The following IFIT5 variants were observed in gnomAD, a reference collection of about 807,000 sequenced individuals.
The protein encoded by IFIT5 is interferon-induced protein with tetratricopeptide repeats 5.
In IFIT5, 2 loss-of-function variants were observed where a neutral mutation model predicts 5.0. The ratio of observed to expected loss-of-function variants is 0.40; its 90% CI spans 0.16 to 1.26. IFIT5 has a LOEUF of 1.26. Ranked by LOEUF, IFIT5 falls within the 50% of genes most tolerant of loss-of-function variation. The pLI, the probability that IFIT5 is intolerant of heterozygous loss-of-function variation, is 0.33. For synonymous variants in IFIT5, 206 were observed against 204.6 expected (o/e 1.01, Z -0.06); for missense variants, 524 against 563.2 (o/e 0.93, Z 0.70).
rs568953344 is a variant in IFIT5, at chr10:89,419,821, A to G, written c.*1173A>G. The G allele has an allele frequency of 2.6e-5, 4 of 152,116 alleles. No individual in the cohort carries two copies. The highest frequency in any genetic ancestry group is 2.1e-4 in the South Asian group (1 of 4,820). The allele number at this position is 152,116 out of a possible 1,614,324, so 9.4% of individuals were successfully genotyped here. ...TTACTTAATGTGGCTTCTCTAATGT[A>G]GTTTCTTTGATTACCGACTACACAA... On this transcript the variant is annotated 3_prime_UTR_variant, in exon 2 of 2. Coordinates refer to ENST00000371795, the MANE Select transcript of IFIT5 (RefSeq NM_012420.3).
At position 89,414,785 on chromosome 10, in the gene IFIT5, A is replaced by C; in HGVS notation, c.-14A>C. On this transcript the variant is annotated 5_prime_UTR_variant, in exon 1 of 2. Coordinates refer to ENST00000371795, the MANE Select transcript of IFIT5 (RefSeq NM_012420.3). The stretch of plus-strand genomic sequence containing the variant: ...GGACTGCGCCGCCCGGACGGCCTGC[A>C]GAGCGCTGCCATCATGAGGTAAGGG... The C allele has an allele frequency of 1.9e-6, 3 of 1,609,000 alleles. No individual in the cohort carries two copies. The highest frequency in any genetic ancestry group is 2.2e-5 in the South Asian group (2 of 90,404).
Position 89,418,437 on chromosome 10 carries a change from G to C in IFIT5, c.1238G>C (p.Arg413Pro). 1 of 1,614,122 alleles carries C rather than the reference G, an allele frequency of 6.2e-7. No homozygotes were observed. Among genetic ancestry groups the C allele is most frequent in the Non-Finnish European group, 8.5e-7 (1 of 1,180,006 alleles). Reference sequence around the variant, plus strand: ...AAGGTCAAAGACAGATCACCCCTTCGCACCAAACTGACAAGTGCTCTGAAG... The same window carrying C: ...AAGGTCAAAGACAGATCACCCCTTCCCACCAAACTGACAAGTGCTCTGAAG... Reference protein sequence around the residue: ...ALKVKDRSPLRTKLTSALKKL... With the variant: ...ALKVKDRSPLPTKLTSALKKL... The change falls in exon 2 of 2, where the codon CGC becomes CCC. Residue 413 changes from arginine to proline, a missense_variant. Physicochemically the swap from Arg to Pro is moderately radical, Grantham distance 103. Coordinates refer to ENST00000371795, the MANE Select transcript of IFIT5 (RefSeq NM_012420.3).
rs534482005 is a variant in IFIT5 at position 89,414,897 on chromosome 10, C to G, written c.5+94C>G. ...ATTCATTTCCAGCGCAGTTCTGCGG[C>G]CTTTTCAGGGGCCGAGCCCCTCGCG... On this transcript the variant is annotated intron_variant, in intron 1 of 1. Transcript: ENST00000371795. The G allele has an allele frequency of 1.0e-3, 1,523 of 1,488,720 alleles. 36 individuals are homozygous for G. The South Asian group carries it at 0.018, about 17-fold the overall frequency. 92.2% of individuals were successfully genotyped at this position (1,488,720 alleles called of 1,614,324 possible).
In IFIT5 at chr10:89,418,148, G is replaced by A. The variant is rs1273851349; in HGVS notation, c.949G>A (p.Asp317Asn). ...TAAAGGAAAGGATAAACTAAAGGTT[G>A]ATGAGCTGATTTCATCTGCTATATT... ...RPKGKDKLKV[D>N]ELISSAIFHF... Residue 317 changes from aspartate to asparagine, a missense_variant, in exon 2 of 2, where the codon GAT becomes AAT. Transcript: ENST00000371795. 6.2e-7 allele frequency: 1 copy of A among 1,614,192 alleles called. No homozygotes were observed. Among genetic ancestry groups the A allele is most frequent in the Non-Finnish European group, 8.5e-7 (1 of 1,180,016 alleles).
At position 89,418,507 on chromosome 10, in the gene IFIT5, G is replaced by C; in HGVS notation, c.1308G>C (p.Gln436His). The change falls in exon 2 of 2, where the codon CAG becomes CAC. Residue 436 changes from glutamine to histidine, a missense_variant. Gln to His is a conservative substitution (Grantham distance 24). Coordinates refer to ENST00000371795, the MANE Select transcript of IFIT5 (RefSeq NM_012420.3). ...KRLCHNALDV[Q>H]SLSALGFVYK... ...TTTGTCACAATGCTTTAGATGTGCA[G>C]AGTTTAAGTGCCCTAGGGTTTGTTT... is the stretch of plus-strand genomic sequence containing the variant. 1 of 1,614,192 alleles carries C rather than the reference G, an allele frequency of 6.2e-7. No homozygotes were observed. The highest frequency in any genetic ancestry group is 8.5e-7 in the Non-Finnish European group (1 of 1,180,024).
At position 89,418,473 on chromosome 10, in the gene IFIT5, C is replaced by T. The variant is rs1264883457; in HGVS notation, c.1274C>T (p.Thr425Ile). 3 of 1,614,040 alleles carry T rather than the reference C, an allele frequency of 1.9e-6. No individual in the cohort carries two copies. The highest frequency in any genetic ancestry group is 1.3e-5 in the African/African-American group (1 of 74,934). ...KLTSALKKLS[T>I]KRLCHNALDV... Reference sequence around the variant, plus strand: ...ACAAGTGCTCTGAAGAAATTGTCTACCAAGAGACTTTGTCACAATGCTTTA... The same window carrying T: ...ACAAGTGCTCTGAAGAAATTGTCTATCAAGAGACTTTGTCACAATGCTTTA... Residue 425 changes from threonine to isoleucine, a missense_variant, in exon 2 of 2, where the codon ACC (threonine) becomes ATC (isoleucine). By Grantham distance (89) the Thr-to-Ile change is moderately conservative (BLOSUM62 -1). Coordinates refer to ENST00000371795, the MANE Select transcript of IFIT5 (RefSeq NM_012420.3).
chr10:89,418,694 G>C lies in IFIT5; in HGVS notation c.*46G>C. 6.5e-7 allele frequency: 1 copy of C among 1,527,272 alleles called. No homozygotes were observed. The highest frequency in any genetic ancestry group is 8.8e-7 in the Non-Finnish European group (1 of 1,141,088). The allele number at this position is 1,527,272 out of a possible 1,614,324, so 94.6% of individuals were successfully genotyped here. ...GCTCTAAGTTTTTCCCTTCATTTTG[G>C]GTTCTCCTGTTTGTTTTTTTTTTAT... On this transcript the variant is annotated 3_prime_UTR_variant, in exon 2 of 2. Coordinates refer to ENST00000371795, the MANE Select transcript of IFIT5 (RefSeq NM_012420.3).
At chr10:89,414,903 C>A in intron 1 of IFIT5, 100 bp downstream of exon 1, 2 of 1,462,520 alleles carry the variant, frequency 1.4e-6, no homozygotes, top group African/African-American at 1.5e-5. Flanking sequence ...GCGGCCTTTT[C>A]AGGGGCCGAG....
chr10:89,417,904 A>G lies in IFIT5; in HGVS notation c.705A>G (p.Glu235=). The G allele has an allele frequency of 1.2e-6, 2 of 1,614,204 alleles. No individual in the cohort carries two copies. Among genetic ancestry groups the G allele is most frequent in the Non-Finnish European group, 8.5e-7 (1 of 1,180,030 alleles). Residue 235 remains glutamate, a synonymous_variant, in exon 2 of 2, where the codon GAA becomes GAG. Coordinates refer to ENST00000371795, the MANE Select transcript of IFIT5 (RefSeq NM_012420.3). ...ATGTACATGCAGAAGCTGAAGGGGA[A>G]AAGTATATTGAAGAAATCCTGGACC... The part of the protein sequence containing the change: ...LQDVHAEAEG[E]KYIEEILDQI...
At position 89,417,836 on chromosome 10, in the gene IFIT5, G is replaced by T. The variant is rs763331428; in HGVS notation, c.637G>T (p.Asp213Tyr). Residue 213 changes from aspartate (D) to tyrosine (Y), a missense_variant, in exon 2 of 2, where the codon GAT becomes TAT. By Grantham distance (160) the Asp-to-Tyr change is radical (BLOSUM62 -3). Transcript: ENST00000371795. ...GAGAAAGGCTGTTACCCTGAACCCA[G>T]ATAACAGCTATATTAAGGTTTTTCT... is the stretch of plus-strand genomic sequence containing the variant. ...PLRKAVTLNP[D>Y]NSYIKVFLAL... 5.6e-6 allele frequency: 9 copies of T among 1,614,054 alleles called. No homozygotes were observed. The highest frequency in any genetic ancestry group is 1.7e-5 in the Admixed American group (1 of 59,996).
rs1841570986 is a variant in IFIT5 at position 89,418,756 on chromosome 10, A to C, written c.*108A>C. On this transcript the variant is annotated 3_prime_UTR_variant, in exon 2 of 2. Coordinates refer to ENST00000371795, the MANE Select transcript of IFIT5 (RefSeq NM_012420.3). ...CTTGTTTATTATAGAGCTAATATTT[A>C]TTGAATAGTTATTGTGTACCAAGCA... 5 of 1,102,978 alleles carry C rather than the reference A, an allele frequency of 4.5e-6. No individual in the cohort carries two copies. Among genetic ancestry groups the C allele is most frequent in the Non-Finnish European group, 6.4e-6 (5 of 776,554 alleles). The allele number at this position is 1,102,978 out of a possible 1,614,324, so 68.3% of individuals were successfully genotyped here. A position where few individuals can be genotyped will look rare whatever the true frequency, so the allele number is the denominator to read the frequency against.
In IFIT5 at chr10:89,418,690, T is replaced by G. The variant is rs1249051599; in HGVS notation, c.*42T>G. The G allele has an allele frequency of 6.5e-7, 1 of 1,540,862 alleles. No individual in the cohort carries two copies. The highest frequency in any genetic ancestry group is 1.4e-5 in the African/African-American group (1 of 71,790). ...ATTAGCTCTAAGTTTTTCCCTTCAT[T>G]TTGGGTTCTCCTGTTTGTTTTTTTT... On this transcript the variant is annotated 3_prime_UTR_variant, in exon 2 of 2. Coordinates refer to ENST00000371795, the MANE Select transcript of IFIT5 (RefSeq NM_012420.3).
Position 89,417,371 on chromosome 10 carries a change from G to C in IFIT5, c.172G>C (p.Ala58Pro). ...TAGACTTGCTCTTTATAACCTATTG[G>C]CCTATGTGAAACACCTAAAAGGCCA... ...KSRLALYNLL[A>P]YVKHLKGQNK... The change falls in exon 2 of 2, where the codon GCC (alanine) becomes CCC (proline). Residue 58 changes from alanine to proline, a missense_variant. Coordinates refer to ENST00000371795, the MANE Select transcript of IFIT5 (RefSeq NM_012420.3). The C allele has an allele frequency of 2.5e-6, 4 of 1,614,062 alleles. No individual in the cohort carries two copies. Among genetic ancestry groups the C allele is most frequent in the Non-Finnish European group, 3.4e-6 (4 of 1,180,020 alleles).
At position 89,417,230 on chromosome 10, in the gene IFIT5, G is replaced by C. The variant is rs763944104; in HGVS notation, c.31G>C (p.Ala11Pro). The change falls in exon 2 of 2, where the codon GCC becomes CCC. Residue 11 changes from alanine to proline, a missense_variant. By Grantham distance (27) the Ala-to-Pro change is conservative. Coordinates refer to ENST00000371795, the MANE Select transcript of IFIT5 (RefSeq NM_012420.3). ...TGAAATTCGTAAGGACACCTTGAAG[G>C]CCATTCTGTTGGAGTTAGAATGTCA... The part of the protein sequence containing the change: MSEIRKDTLK[A>P]ILLELECHFT... 1.2e-6 allele frequency: 2 copies of C among 1,603,364 alleles called. No individual in the cohort carries two copies. Among genetic ancestry groups the C allele is most frequent in the African/African-American group, 1.3e-5 (1 of 74,614 alleles).
In IFIT5 at chr10:89,417,399, A is replaced by G; in HGVS notation, c.200A>G (p.Asn67Ser). The change falls in exon 2 of 2, where the codon AAT (asparagine) becomes AGT (serine). Residue 67 changes from asparagine (N) to serine (S), a missense_variant. Physicochemically the swap from Asn to Ser is conservative, Grantham distance 46. Transcript: ENST00000371795. ...LAYVKHLKGQNKDALECLEQA... is the reference protein window; with the variant it reads ...LAYVKHLKGQSKDALECLEQA... ...TATGTGAAACACCTAAAAGGCCAAAATAAAGACGCCCTTGAGTGCTTGGAA... is the reference window on the plus strand; with the variant it reads ...TATGTGAAACACCTAAAAGGCCAAAGTAAAGACGCCCTTGAGTGCTTGGAA... The G allele has an allele frequency of 6.2e-7, 1 of 1,614,224 alleles. No individual in the cohort carries two copies. Among genetic ancestry groups the G allele is most frequent in the Non-Finnish European group, 8.5e-7 (1 of 1,180,044 alleles).
At chr10:89,414,892 T>A in intron 1 of IFIT5, 89 bp downstream of exon 1, 1 of 1,515,680 alleles carries the variant, frequency 6.6e-7, no homozygotes, top group Middle Eastern at 2.0e-4. Context: ...AGCGCAGTTC[T>A]GCGGCCTTTT....
Position 89,418,900 on chromosome 10 carries a change from T to A in IFIT5, c.*252T>A, listed in dbSNP as rs1841571987. On this transcript the variant is annotated 3_prime_UTR_variant, in exon 2 of 2. Transcript: ENST00000371795. ...TAGCAATATTCTAGCTATTGTAACTTCTAAAAATGGTATGGCCATTAGATC... is the reference window on the plus strand; with the variant it reads ...TAGCAATATTCTAGCTATTGTAACTACTAAAAATGGTATGGCCATTAGATC... 3.2e-6 allele frequency: 1 copy of A among 314,366 alleles called. No homozygotes were observed. Among genetic ancestry groups the A allele is most frequent in the Non-Finnish European group, 5.8e-6 (1 of 172,966 alleles). 19.5% of individuals were successfully genotyped at this position (314,366 alleles called of 1,614,324 possible). A position where few individuals can be genotyped will look rare whatever the true frequency, so the allele number is the denominator to read the frequency against.
Position 89,420,184 on chromosome 10 carries a change from T to C in IFIT5, c.*1536T>C, listed in dbSNP as rs1453230089. 1 of 152,148 alleles carries C rather than the reference T, an allele frequency of 6.6e-6. No homozygotes were observed. The highest frequency in any genetic ancestry group is 1.5e-5 in the Non-Finnish European group (1 of 68,024). The allele number at this position is 152,148 out of a possible 1,614,324, so 9.4% of individuals were successfully genotyped here. ...AATCAGACATACATATATACTGCAGTGTATCTCACGTATTAATTTTTAAAA... is the reference window on the plus strand; with the variant it reads ...AATCAGACATACATATATACTGCAGCGTATCTCACGTATTAATTTTTAAAA... On this transcript the variant is annotated 3_prime_UTR_variant, in exon 2 of 2. Transcript: ENST00000371795.
rs1031968226 is a variant in IFIT5, at chr10:89,419,908, T to C, written c.*1260T>C. 4.6e-5 allele frequency: 7 copies of C among 152,142 alleles called. No individual in the cohort carries two copies. Among genetic ancestry groups the C allele is most frequent in the African/African-American group, 1.7e-4 (7 of 41,450 alleles). The allele number at this position is 152,142 out of a possible 1,614,324, so 9.4% of individuals were successfully genotyped here. A position where few individuals can be genotyped will look rare whatever the true frequency, so the allele number is the denominator to read the frequency against. On this transcript the variant is annotated 3_prime_UTR_variant, in exon 2 of 2. Coordinates refer to ENST00000371795, the MANE Select transcript of IFIT5 (RefSeq NM_012420.3). ...GTGATTTAATTCTCCATTCCTCCAA[T>C]GTAACTCTTAAAATTATTATGTATG...
Sources: gnomAD v4.1 joint callset for allele counts on GRCh38, gnomAD v4.1.1 for gene constraint, MANE v1.5 for transcripts, NCBI Gene and HGNC (gene_info 2026-07-23, HGNC 2026-07-21) for gene names.